Variants in SIRT1 observed in about 807,000 individuals in gnomAD.
SIRT1 encodes NAD-dependent protein deacetylase sirtuin-1.
In SIRT1, 24 loss-of-function variants were observed where a neutral mutation model predicts 67.9. That is an observed-to-expected ratio of 0.35 (90% CI 0.26 to 0.50). The LOEUF (loss-of-function observed/expected upper bound fraction) is 0.50, where lower values mean the gene tolerates loss of function less well. SIRT1 is among the 20% of genes least tolerant of loss of function. The pLI is 0.98. For synonymous variants in SIRT1, 378 were observed against 350.7 expected, an observed-to-expected ratio of 1.08 and a Z score of -0.87; for missense variants, 873 against 937.2, an observed-to-expected ratio of 0.93 and a Z score of 0.89.
chr10:67,910,174 A>C (rs1262031972), intron 7 of SIRT1, among the ~76,000 whole-genome samples: 2 of 151,794 alleles, frequency 1.3e-5, no homozygotes, highest in South Asian at 4.2e-4. Flanking sequence ...CAGCAGTTTG[A>C]GACCAGCCTG....
chr10:67,904,192 T>C (rs1842787576), intron 4 of SIRT1, among the ~76,000 whole-genome samples: 2 of 149,328 alleles, frequency 1.3e-5, no homozygotes, highest in African/African-American at 4.9e-5. Flanking sequence ...AGTGATACGA[T>C]CATAGCTCAC....
chr10:67,887,331 C>G, intron 1 of SIRT1, 86 bp from the exon 2 acceptor site: 1 of 827,944 alleles, frequency 1.2e-6, no homozygotes, highest in Non-Finnish European at 2.1e-6. Context: ...ATGCTGTACT[C>G]GATGAAAATG....
chr10:67,918,389 T>TA lies in SIRT1; in HGVS notation c.*1797dup, dbSNP rs1301861528. 6.6e-6 allele frequency: 1 copy of TA among 152,644 alleles called. No individual in the cohort carries two copies. Among genetic ancestry groups the TA allele is most frequent in the Non-Finnish European group, 1.5e-5 (1 of 68,042 alleles). The allele number at this position is 152,644 out of a possible 1,614,324, so 9.5% of individuals were successfully genotyped here. On this transcript the variant is annotated 3_prime_UTR_variant, in exon 9 of 9. Coordinates refer to ENST00000212015, the MANE Select transcript of SIRT1 (RefSeq NM_012238.5). ...GTCATTTGACTTTTTTCTGTTAACT[T>TA]ACATTGTTTAAGGTATATAATTTTT...
intron 7 of SIRT1, among the ~76,000 whole-genome samples, chr10:67,909,857 G>A (rs1057036893): frequency 1.3e-5 from 2 of 151,812 alleles, no homozygotes; most frequent in African/African-American, 4.8e-5. Flanking sequence ...TTACAGGCAT[G>A]AGCCCCCATG....
intron 2 of SIRT1, among the ~76,000 whole-genome samples, chr10:67,887,815 A>G (rs1467082156): frequency 1.3e-5 from 2 of 152,160 alleles, no homozygotes; most frequent in Non-Finnish European, 2.9e-5. Context: ...ACCTCAGGTG[A>G]TCCGTCCGCC....
At chr10:67,916,146 A>T in intron 8 of SIRT1, 119 bp from the exon 9 acceptor site, 1 of 859,260 alleles carries the variant, frequency 1.2e-6, no homozygotes, top group Non-Finnish European at 1.8e-6. Context: ...CACTAATAGT[A>T]GTCTTTCATA....
chr10:67,899,287 A>T (rs1032158611), intron 4 of SIRT1, among the ~76,000 whole-genome samples: 1 of 151,702 alleles, frequency 6.6e-6, no homozygotes, highest in Non-Finnish European at 1.5e-5. Context: ...CAAAAACCCC[A>T]GGATACATTC....
At chr10:67,885,245 G>T in intron 1 of SIRT1, 94 bp downstream of exon 1, 1 of 1,254,872 alleles carries the variant, frequency 8.0e-7, no homozygotes, top group Non-Finnish European at 1.0e-6. Context: ...GGGGGCTCGG[G>T]GCAGGCTCCG....
chr10:67,907,380 A>C (rs1181669124), intron 5 of SIRT1, among the ~76,000 whole-genome samples: 5 of 151,788 alleles, frequency 3.3e-5, no homozygotes, highest in Non-Finnish European at 5.9e-5. Context: ...CTGTAATCCC[A>C]GCTACTCAGG....
chr10:67,898,258 CAA>C (rs756541937), intron 4 of SIRT1, among the ~76,000 whole-genome samples: 19 of 66,698 alleles, frequency 2.8e-4, no homozygotes, highest in East Asian at 5.6e-4. Flanking sequence ...GACTCTGTCT[CAA>C]AAAAAAAAAA....
At chr10:67,913,902 T>C (rs1842938118) in intron 8 of SIRT1, among the ~76,000 whole-genome samples, 2 of 152,108 alleles carry the variant, frequency 1.3e-5, no homozygotes, top group Admixed American at 6.6e-5. Context: ...CTTTGGCCTT[T>C]TTCATATTAG....
intron 4 of SIRT1, among the ~76,000 whole-genome samples, chr10:67,897,776 G>A (rs907978610): frequency 5.3e-5 from 8 of 151,816 alleles, no homozygotes; most frequent in African/African-American, 1.9e-4. Flanking sequence ...GGGATTACAG[G>A]CGTGAGCCAC....
At chr10:67,888,522 C>T (rs1471623360) in intron 2 of SIRT1, among the ~76,000 whole-genome samples, 9 of 152,092 alleles carry the variant, frequency 5.9e-5, no homozygotes, top group Admixed American at 4.6e-4. Flanking sequence ...ATAAGTAGTA[C>T]AGGCTTTTAG....
chr10:67,916,522 GAGGCA>G lies in SIRT1; in HGVS notation c.2175_2179del (p.Glu725AspfsTer2). On this transcript the variant is annotated frameshift_variant, in exon 9 of 9. Coordinates refer to ENST00000212015, the MANE Select transcript of SIRT1 (RefSeq NM_012238.5). LOFTEE classifies it high-confidence loss of function. Reference sequence around the variant, plus strand: ...ATTTGGGACTGATGGAGATGATCAAGAGGCAATTAATGAAGCTATATCTGTGAAAC... The same window carrying G: ...ATTTGGGACTGATGGAGATGATCAAGATTAATGAAGCTATATCTGTGAAAC... 1.2e-6 allele frequency: 2 copies of G among 1,614,164 alleles called. No homozygotes were observed. Among genetic ancestry groups the G allele is most frequent in the Non-Finnish European group, 1.7e-6 (2 of 1,180,032 alleles).
chr10:67,911,229 T>C (rs1399082685), intron 7 of SIRT1, among the ~76,000 whole-genome samples: 3 of 152,246 alleles, frequency 2.0e-5, no homozygotes, highest in Non-Finnish European at 4.4e-5. Context: ...GGTGTCTTGC[T>C]GTAGCTCAGG....
chr10:67,885,805 C>T (rs953667260), intron 1 of SIRT1, among the ~76,000 whole-genome samples: 2 of 152,056 alleles, frequency 1.3e-5, no homozygotes, highest in African/African-American at 4.8e-5. Context: ...TACTTTTATT[C>T]TAATCTTGCT....
intron 4 of SIRT1, 24 bp from the exon 5 acceptor site, chr10:67,906,766 T>G (rs200259905): frequency 1.7e-5 from 28 of 1,602,550 alleles, no homozygotes; most frequent in Non-Finnish European, 2.1e-5. Flanking sequence ...AATGTAAATT[T>G]TTTCTACCAT....
At position 67,916,348 on chromosome 10, in the gene SIRT1, T is replaced by C. The variant is rs772469360; in HGVS notation, c.1999T>C (p.Ser667Pro). ...VYSDSEDDVL[S>P]SSSCGSNSDS... is the part of the protein sequence containing the mutation. ...TTCAGACTCTGAAGATGACGTCTTA[T>C]CCTCTAGTTCTTGTGGCAGTAACAG... Residue 667 changes from serine to proline, a missense_variant, in exon 9 of 9, where the codon TCC (serine) becomes CCC (proline). Physicochemically the swap from Ser to Pro is moderately conservative, Grantham distance 74. This residue lies in a region of SIRT1 where 295 missense variants were observed against 294.5 expected (regional missense o/e 1.00). Coordinates refer to ENST00000212015, the MANE Select transcript of SIRT1 (RefSeq NM_012238.5). 2 of 1,614,062 alleles carry C rather than the reference T, an allele frequency of 1.2e-6. No homozygotes were observed. Among genetic ancestry groups the C allele is most frequent in the Non-Finnish European group, 1.7e-6 (2 of 1,180,014 alleles).
At position 67,884,832 on chromosome 10, in the gene SIRT1, G is replaced by A; in HGVS notation, c.111G>A (p.Pro37=). Residue 37 remains proline, a synonymous_variant, in exon 1 of 9, where the codon CCG becomes CCA. Transcript: ENST00000212015. ...CCGGGGAGCCGCTCCGCAAGAGGCC[G>A]CGGAGAGATGGTCCCGGCCTCGAGC... is the stretch of plus-strand genomic sequence containing the variant. ...SPAGEPLRKR[P]RRDGPGLERS... 1 of 1,216,966 alleles carries A rather than the reference G, an allele frequency of 8.2e-7. No individual in the cohort carries two copies. The highest frequency in any genetic ancestry group is 1.0e-6 in the Non-Finnish European group (1 of 979,326). 75.4% of individuals were successfully genotyped at this position (1,216,966 alleles called of 1,614,324 possible).
Sources: allele counts gnomAD v4.1 joint callset (sites outside exome capture counted in the v4.1 genomes callset), GRCh38; gene constraint gnomAD v4.1.1; regional missense constraint gnomAD v4.1.1; transcripts MANE v1.5; gene names NCBI Gene and HGNC (gene_info 2026-07-23, HGNC 2026-07-21).